Variants in COL11A1 observed in about 807,000 individuals in gnomAD.
COL11A1 encodes the protein collagen type XI alpha 1 chain.
In COL11A1, 74 loss-of-function variants were observed where a neutral mutation model predicts 265.2. The observed-to-expected ratio is 0.28, with a 90% CI of 0.23 to 0.34. COL11A1 has a LOEUF of 0.34. Ranked by LOEUF, COL11A1 falls within the 10% of genes least tolerant of loss-of-function variation. The pLI, the probability that COL11A1 is intolerant of heterozygous loss-of-function variation, is 1.00. For missense variants in COL11A1, 2,165 were observed against 2,263.6 expected, an observed-to-expected ratio of 0.96 and a Z score of 0.88; for synonymous variants, 816 against 727.6, an observed-to-expected ratio of 1.12 and a Z score of -1.96.
intron 32 of COL11A1, 127 bp from the exon 33 acceptor site, chr1:102,979,231 A>C: frequency 1.6e-6 from 2 of 1,248,528 alleles, no homozygotes; most frequent in Non-Finnish European, 2.3e-6. Context: ...TTAGAGACAG[A>C]CTTGCTATGC....
chr1:103,026,052 A>T, intron 6 of COL11A1, 164 bp downstream of exon 6: 1 of 1,297,644 alleles, frequency 7.7e-7, no homozygotes, highest in South Asian at 1.2e-5. Context: ...TGAAATGGAC[A>T]TCATTCTTCA....
At chr1:102,991,543 C>T (rs978913584) in intron 28 of COL11A1, among the ~76,000 whole-genome samples, 3 of 152,076 alleles carry the variant, frequency 2.0e-5, no homozygotes, top group African/African-American at 4.8e-5. Flanking sequence ...ATTATTGCAA[C>T]AATATGCCGT....
chr1:102,953,427 G>A (rs1182742016), intron 41 of COL11A1, among the ~76,000 whole-genome samples: 1 of 152,086 alleles, frequency 6.6e-6, no homozygotes. Context: ...CATAGATGGA[G>A]AGAAATAGTT....
chr1:103,006,012 A>T (rs2101852210), intron 17 of COL11A1, 56 bp downstream of exon 17: 2 of 1,611,734 alleles, frequency 1.2e-6, no homozygotes, highest in Admixed American at 1.7e-5. Context: ...TAAATATAAA[A>T]TTTTCCAGAG....
intron 47 of COL11A1, 148 bp from the exon 48 acceptor site, chr1:102,921,719 T>G (rs1380267606): frequency 1.5e-6 from 1 of 666,852 alleles, no homozygotes; most frequent in African/African-American, 1.8e-5. Flanking sequence ...TCATCCTTCA[T>G]GGATACAACA....
chr1:103,013,560 T>C (rs537031455), intron 13 of COL11A1, among the ~76,000 whole-genome samples: 15 of 152,118 alleles, frequency 9.9e-5, no homozygotes, highest in Non-Finnish European at 1.5e-4. Context: ...TAATTTTTCA[T>C]TATCTTTAAA....
At position 102,989,536 on chromosome 1, in the gene COL11A1, C is replaced by T; in HGVS notation, c.2376G>A (p.Met792Ile). 6.2e-7 allele frequency: 1 copy of T among 1,611,016 alleles called. No homozygotes were observed. Among genetic ancestry groups the T allele is most frequent in the Non-Finnish European group, 8.5e-7 (1 of 1,177,784 alleles). ...EDGFPGFKGDMGLKGDRGEVG... is the reference protein window; with the variant it reads ...EDGFPGFKGDIGLKGDRGEVG... ...TACTTACTCTGTCACCTTTTAGACCCATGTCACCTTTGAATCCTGGAAAAC... is the reference window on the plus strand; with the variant it reads ...TACTTACTCTGTCACCTTTTAGACCTATGTCACCTTTGAATCCTGGAAAAC... Residue 792 changes from methionine to isoleucine, a missense_variant, in exon 29 of 67, where the codon ATG (methionine) becomes ATA (isoleucine). Physicochemically the swap from Met to Ile is conservative, Grantham distance 10. Coordinates refer to ENST00000370096, the MANE Select transcript of COL11A1 (RefSeq NM_001854.4).
At chr1:103,076,678 A>C (rs761098669) in intron 3 of COL11A1, among the ~76,000 whole-genome samples, 4 of 152,152 alleles carry the variant, frequency 2.6e-5, no homozygotes, top group Non-Finnish European at 5.9e-5. Flanking sequence ...TTTTACTTTG[A>C]GGATTCATTC....
rs1234822823 is a variant in COL11A1 at position 103,031,150 on chromosome 1, T to G, written c.746A>C (p.Lys249Thr). The stretch of plus-strand genomic sequence containing the variant: ...CTGAGGTTCCTGAGCTTGAGCAGCC[T>G]TGGGTGCTGAAGAGTCACAGTCTGG... Reference protein sequence around the residue: ...YSPDCDSSAPKAAQAQEPQID... With the variant: ...YSPDCDSSAPTAAQAQEPQID... The change falls in exon 5 of 67, where the codon AAG becomes ACG. Residue 249 changes from lysine (K) to threonine (T), a missense_variant. Lys to Thr is a moderately conservative substitution (Grantham distance 78, BLOSUM62 -1). Coordinates refer to ENST00000370096, the MANE Select transcript of COL11A1 (RefSeq NM_001854.4). 1 of 1,613,324 alleles carries G rather than the reference T, an allele frequency of 6.2e-7. No homozygotes were observed. Among genetic ancestry groups the G allele is most frequent in the Non-Finnish European group, 8.5e-7 (1 of 1,179,624 alleles).
In COL11A1 at chr1:103,050,922, G is replaced by A. The variant is rs190107180; in HGVS notation, c.652-19678C>T. Among the ~76,000 whole-genome samples, 431 of 152,302 alleles carry A rather than the reference G, an allele frequency of 2.8e-3. 5 individuals are homozygous for A. The highest frequency in any genetic ancestry group is 9.9e-3 in the African/African-American group (411 of 41,562). ...CAGAGGCTGCAGAACAGTGGATATTGGTGAACCACAAATGCTGCGGCCTGA... is the reference window on the plus strand; with the variant it reads ...CAGAGGCTGCAGAACAGTGGATATTAGTGAACCACAAATGCTGCGGCCTGA... On this transcript the variant is annotated intron_variant, in intron 4 of 66. Transcript: ENST00000370096.
intron 1 of COL11A1, among the ~76,000 whole-genome samples, chr1:103,103,955 A>G (rs1352433074): frequency 1.3e-5 from 2 of 151,974 alleles, no homozygotes; most frequent in Non-Finnish European, 2.9e-5. Flanking sequence ...TTTGATCACC[A>G]TTACAGATCT....
At chr1:103,074,468 C>T in intron 4 of COL11A1, 150 bp downstream of exon 4, 1 of 790,584 alleles carries the variant, frequency 1.3e-6, no homozygotes, top group Non-Finnish European at 2.0e-6. Context: ...GAAAACATCA[C>T]CACTATACTC....
At chr1:102,961,465 T>C (rs771109924) in intron 41 of COL11A1, among the ~76,000 whole-genome samples, 1 of 152,220 alleles carries the variant, frequency 6.6e-6, no homozygotes, top group Admixed American at 6.5e-5. Context: ...AAATGAATGA[T>C]AGAATATAAT....
chr1:102,998,473 T>G, intron 24 of COL11A1, 110 bp from the exon 25 acceptor site: 1 of 653,678 alleles, frequency 1.5e-6, no homozygotes, highest in African/African-American at 1.9e-5. Context: ...CTTCAATTCA[T>G]AAGTAATAAC....
intron 43 of COL11A1, 30 bp from the exon 44 acceptor site, chr1:102,939,118 A>T: frequency 6.3e-7 from 1 of 1,586,780 alleles, no homozygotes; most frequent in Non-Finnish European, 8.7e-7. Context: ...CTTAGAGTTT[A>T]TCTCTAACAT....
intron 59 of COL11A1, 75 bp downstream of exon 59, chr1:102,889,380 G>A: frequency 3.2e-6 from 1 of 312,136 alleles, no homozygotes. Flanking sequence ...CATACTTAAA[G>A]GACTGTGTGT....
intron 1 of COL11A1, among the ~76,000 whole-genome samples, chr1:103,083,556 A>G (rs193127529): frequency 7.0e-4 from 107 of 152,252 alleles, no homozygotes; most frequent in Admixed American, 1.5e-3. Flanking sequence ...TTTTGTATAC[A>G]CAAGAGAAGT....
chr1:103,027,376 A>C (rs1667602437), intron 5 of COL11A1, among the ~76,000 whole-genome samples: 1 of 142,890 alleles, frequency 7.0e-6, no homozygotes, highest in African/African-American at 2.6e-5. Context: ...AAAGCAGTAA[A>C]CTCAACAAGT....
Position 103,022,782 on chromosome 1 carries a change from C to T in COL11A1, c.1205G>A (p.Gly402Asp). 2 of 1,613,650 alleles carry T rather than the reference C, an allele frequency of 1.2e-6. No homozygotes were observed. The highest frequency in any genetic ancestry group is 1.7e-6 in the Non-Finnish European group (2 of 1,179,946). The change falls in exon 8 of 67, where the codon GGT (glycine) becomes GAT (aspartate). Residue 402 changes from glycine (G) to aspartate (D), a missense_variant. Transcript: ENST00000370096. Reference sequence around the variant, plus strand: ...ATCAGTTTCTGCTGGTACACCTGGACCAAATTCTTCATTAGGGGGGCTTGT... The same window carrying T: ...ATCAGTTTCTGCTGGTACACCTGGATCAAATTCTTCATTAGGGGGGCTTGT... ...KPTSPPNEEF[G>D]PGVPAETDIT... is the part of the protein sequence containing the mutation.
Sources: gnomAD v4.1 joint callset for allele counts (sites outside exome capture counted in the v4.1 genomes callset) on GRCh38, gnomAD v4.1.1 for gene constraint, MANE v1.5 for transcripts, NCBI Gene and HGNC (gene_info 2026-07-23, HGNC 2026-07-21) for gene names.